BBOX1: variants seen among roughly 807,000 people sequenced by gnomAD.
BBOX1 encodes the protein gamma-butyrobetaine hydroxylase 1.
Under a neutral mutation model 41.6 loss-of-function variants are expected in BBOX1, and 35 were observed. The observed-to-expected ratio is 0.84, with a 90% CI of 0.64 to 1.11. The LOEUF is 1.11. BBOX1 is among the 50% of genes most tolerant of loss of function. The pLI is 0.00. For missense variants in BBOX1, 458 were observed against 460.6 expected, an observed-to-expected ratio of 0.99 and a Z score of 0.05; for synonymous variants, 163 against 154.7, an observed-to-expected ratio of 1.05 and a Z score of -0.40.
At chr11:27,086,640 A>G (rs893572820) in intron 4 of BBOX1, among the ~76,000 whole-genome samples, 4 of 152,150 alleles carry the variant, frequency 2.6e-5, no homozygotes, top group Non-Finnish European at 4.4e-5. Context: ...CGCAACATTC[A>G]TTCTGCAGCC....
chr11:27,093,636 A>G (rs747306600), intron 5 of BBOX1, among the ~76,000 whole-genome samples: 110 of 151,962 alleles, frequency 7.2e-4, no homozygotes, highest in Non-Finnish European at 1.0e-3. Flanking sequence ...GAAATATCAC[A>G]GATCAGATAA....
At chr11:27,103,200 T>C (rs72878467) in intron 5 of BBOX1, among the ~76,000 whole-genome samples, 7,959 of 152,114 alleles carry the variant, frequency 0.052, 347 homozygotes, top group South Asian at 0.22. Context: ...AAAAGTAATT[T>C]GATGTTTTTA....
rs556011418 is a variant in BBOX1 at position 27,087,378 on chromosome 11, C to G, written c.335-5790C>G. Among the ~76,000 whole-genome samples the G allele has an allele frequency of 1.4e-4, 22 of 152,176 alleles. 1 individual carries two copies. The highest frequency in any genetic ancestry group is 5.1e-4 in the African/African-American group (21 of 41,542). ...GCAACCATCAACTTTGAGGCAAGAC[C>G]CTCCACCAGCAAAAAGATTATGACT... On this transcript the variant is annotated intron_variant, in intron 4 of 8. Coordinates refer to ENST00000263182, the MANE Select transcript of BBOX1 (RefSeq NM_003986.3).
chr11:27,065,768 C>T (rs542338971), intron 4 of BBOX1, among the ~76,000 whole-genome samples: 1 of 152,154 alleles, frequency 6.6e-6, no homozygotes, highest in Admixed American at 6.5e-5. Flanking sequence ...TTTTAAAAGC[C>T]TGTATACTAC....
At chr11:27,053,920 C>G (rs1856891478) in intron 2 of BBOX1, among the ~76,000 whole-genome samples, 1 of 152,054 alleles carries the variant, frequency 6.6e-6, no homozygotes, top group Admixed American at 6.6e-5. Context: ...TTGGATAACT[C>G]TATATGTGAA....
At chr11:27,080,289 T>G (rs1311911436) in intron 4 of BBOX1, among the ~76,000 whole-genome samples, 5 of 152,120 alleles carry the variant, frequency 3.3e-5, no homozygotes, top group African/African-American at 1.2e-4. Flanking sequence ...CTCTTCTATG[T>G]GCTCACAGCA....
chr11:27,123,347 A>G (rs1590231191), intron 7 of BBOX1, among the ~76,000 whole-genome samples: 1 of 152,094 alleles, frequency 6.6e-6, no homozygotes, highest in East Asian at 1.9e-4. Flanking sequence ...CATTTCACTG[A>G]TACATGAGGA....
At chr11:27,115,979 C>T (rs1483575813) in intron 6 of BBOX1, among the ~76,000 whole-genome samples, 1 of 151,980 alleles carries the variant, frequency 6.6e-6, no homozygotes, top group Non-Finnish European at 1.5e-5. Context: ...CCATTAACTA[C>T]TGCTGCATTA....
intron 5 of BBOX1, among the ~76,000 whole-genome samples, chr11:27,105,612 T>C (rs1186893209): frequency 6.6e-6 from 1 of 152,140 alleles, no homozygotes; most frequent in Admixed American, 6.5e-5. Flanking sequence ...CAAATCTACT[T>C]CTGATTGGGG....
intron 4 of BBOX1, chr11:27,057,535 AT>A (rs1246170649): frequency 2.2e-6 from 1 of 462,720 alleles, no homozygotes; most frequent in African/African-American, 2.1e-5. Context: ...AAGAAACAAA[AT>A]AAGTCCAGCA....
rs542197617 is a variant in BBOX1 at position 27,059,807 on chromosome 11, C to T, written c.334+2492C>T. ...GGACTTGCATGGGCCCTGTACTCCC[C>T]TTTCTTTTGGTTGATTTCTCCCTTT... On this transcript the variant is annotated intron_variant, in intron 4 of 8. Transcript: ENST00000263182. Among the ~76,000 whole-genome samples the T allele has an allele frequency of 5.9e-5, 9 of 152,280 alleles. No homozygotes were observed. In the South Asian group the frequency reaches 1.9e-3, roughly 32 times the overall value.
intron 4 of BBOX1, among the ~76,000 whole-genome samples, chr11:27,092,703 T>C (rs1364903431): frequency 6.6e-6 from 1 of 151,960 alleles, no homozygotes; most frequent in Non-Finnish European, 1.5e-5. Flanking sequence ...GAGCTGTACC[T>C]ACCATATCAA....
At chr11:27,107,111 C>T (rs1858899733) in intron 5 of BBOX1, among the ~76,000 whole-genome samples, 1 of 151,972 alleles carries the variant, frequency 6.6e-6, no homozygotes, top group African/African-American at 2.4e-5. Context: ...AAATTTATAG[C>T]ACTAAATGCC....
At position 27,055,381 on chromosome 11, in the gene BBOX1, G is replaced by A. The variant is rs1433697903; in HGVS notation, c.-38-12G>A. On this transcript the variant is annotated splice_polypyrimidine_tract_variant and intron_variant, in intron 2 of 8. Coordinates refer to ENST00000263182, the MANE Select transcript of BBOX1 (RefSeq NM_003986.3). ...TCTGCCTGAGATTCCTTTTAACACT[G>A]ATTTGTCATAGCAGGTAGCTGACAG... 6.4e-7 allele frequency: 1 copy of A among 1,573,438 alleles called. No homozygotes were observed. The highest frequency in any genetic ancestry group is 8.7e-7 in the Non-Finnish European group (1 of 1,147,412).
chr11:27,093,428 G>C (rs1401125911), intron 5 of BBOX1, 62 bp downstream of exon 5: 3 of 1,516,384 alleles, frequency 2.0e-6, no homozygotes, highest in Non-Finnish European at 2.7e-6. Flanking sequence ...GTTCCCAACT[G>C]AGGACGACCG....
chr11:27,121,096 G>A (rs1859445597), intron 7 of BBOX1, among the ~76,000 whole-genome samples: 2 of 152,134 alleles, frequency 1.3e-5, no homozygotes, highest in Non-Finnish European at 2.9e-5. Context: ...TAAAGAGCGT[G>A]GTGAGGGAAA....
intron 5 of BBOX1, among the ~76,000 whole-genome samples, chr11:27,101,385 A>G (rs1858649022): frequency 6.6e-6 from 1 of 152,180 alleles, no homozygotes; most frequent in Non-Finnish European, 1.5e-5. Flanking sequence ...TTAAAAAATC[A>G]AAACTAATAC....
intron 5 of BBOX1, 142 bp downstream of exon 5, chr11:27,093,508 A>C: frequency 1.1e-6 from 1 of 940,042 alleles, no homozygotes; most frequent in Non-Finnish European, 1.6e-6. Context: ...AGAGTCTAAA[A>C]GTAGTATTTT....
At position 27,055,108 on chromosome 11, in the gene BBOX1, TC is replaced by T. The variant is rs1442446787; in HGVS notation, c.-38-284del. ...TTATTAAAGTGCATATGTCATTGGTTCTGAACTTAATATCTGAATTTTCTGT... is the reference window on the plus strand; with the variant it reads ...TTATTAAAGTGCATATGTCATTGGTTTGAACTTAATATCTGAATTTTCTGT... On this transcript the variant is annotated intron_variant, in intron 2 of 8. Coordinates refer to ENST00000263182, the MANE Select transcript of BBOX1 (RefSeq NM_003986.3). The T allele has an allele frequency of 4.6e-4, 111 of 242,156 alleles. 1 individual carries two copies. In the East Asian group the frequency reaches 9.3e-3, roughly 20 times the overall value. 15.0% of individuals were successfully genotyped at this position (242,156 alleles called of 1,614,324 possible).
Sources: gnomAD v4.1 joint callset for allele counts (sites outside exome capture counted in the v4.1 genomes callset) on GRCh38, gnomAD v4.1.1 for gene constraint, MANE v1.5 for transcripts, NCBI Gene and HGNC (gene_info 2026-07-23, HGNC 2026-07-21) for gene names.